ABCD2: variants seen among roughly 807,000 people sequenced by gnomAD.
ABCD2 encodes ATP binding cassette subfamily D member 2.
A neutral mutation model predicts 70.9 loss-of-function variants in ABCD2; 36 were observed. The observed-to-expected ratio is 0.51, with a 90% CI of 0.39 to 0.67. The LOEUF is 0.67. Ranked by LOEUF, ABCD2 falls within the 30% of genes least tolerant of loss-of-function variation. The probability of loss-of-function intolerance (pLI) is 0.00; values close to 1 mark genes in which losing one functional copy is unlikely to be tolerated. For synonymous variants in ABCD2, 304 were observed against 306.9 expected (o/e 0.99, Z 0.10); for missense variants, 729 against 890.2 (o/e 0.82, Z 2.30).
chr12:39,582,161 GTT>G (rs537015165), intron 7 of ABCD2, among the ~76,000 whole-genome samples: 1 of 151,420 alleles, frequency 6.6e-6, no homozygotes, highest in Non-Finnish European at 1.5e-5. Context: ...TTTCCCTGAA[GTT>G]TTTTTTTATG....
At chr12:39,538,217 T>C in the ABCD2 span, among the ~76,000 whole-genome samples, 6 of 149,890 alleles carry the variant, frequency 4.0e-5, no homozygotes, top group African/African-American at 1.2e-4. Context: ...TCTCCCAGGC[T>C]GGAGTGCAGT....
chr12:39,563,536 G>C (rs1014400632), intron 9 of ABCD2, among the ~76,000 whole-genome samples: 9 of 152,072 alleles, frequency 5.9e-5, no homozygotes, highest in African/African-American at 1.4e-4. Flanking sequence ...GAAATAAAAG[G>C]CATCTGAATT....
chr12:39,573,990 T>A, intron 8 of ABCD2, 149 bp from the exon 9 acceptor site: 1 of 666,522 alleles, frequency 1.5e-6, no homozygotes, highest in Non-Finnish European at 2.4e-6. Flanking sequence ...AGCAAAAAAG[T>A]AGTTGTCCCC....
At chr12:39,578,905 TATC>T (rs1317056981) in intron 8 of ABCD2, among the ~76,000 whole-genome samples, 2 of 152,184 alleles carry the variant, frequency 1.3e-5, no homozygotes, top group African/African-American at 4.8e-5. Context: ...TTTACACAAG[TATC>T]ATAGTGATTG....
At chr12:39,555,945 C>T (rs1179853295) in intron 9 of ABCD2, among the ~76,000 whole-genome samples, 5 of 152,174 alleles carry the variant, frequency 3.3e-5, no homozygotes, top group Non-Finnish European at 2.9e-5. Flanking sequence ...CTGCACCATC[C>T]ACCATCGTCC....
At chr12:39,570,631 T>G (rs1331217948) in intron 9 of ABCD2, among the ~76,000 whole-genome samples, 2 of 152,096 alleles carry the variant, frequency 1.3e-5, no homozygotes, top group Non-Finnish European at 2.9e-5. Context: ...TTAGAATACA[T>G]AGGGCAAAAA....
rs1488298292 is a variant in ABCD2 at position 39,550,502 on chromosome 12, A to G, written c.*3410T>C. On this transcript the variant is annotated 3_prime_UTR_variant, in exon 10 of 10. Transcript: ENST00000308666. ...TATAAATAGACCATTGGTTTTGAAA[A>G]TTTCACAATATGAAATGTAAACCAG... is the stretch of plus-strand genomic sequence containing the variant. The G allele has an allele frequency of 1.3e-5, 2 of 151,816 alleles. No individual in the cohort carries two copies. Among genetic ancestry groups the G allele is most frequent in the Non-Finnish European group, 3.0e-5 (2 of 67,716 alleles). The allele number at this position is 151,816 out of a possible 1,614,324, so 9.4% of individuals were successfully genotyped here.
In ABCD2 at chr12:39,553,200, A is replaced by T. The variant is rs1453168861; in HGVS notation, c.*712T>A. 6.6e-6 allele frequency: 1 copy of T among 151,908 alleles called. No homozygotes were observed. The highest frequency in any genetic ancestry group is 2.4e-5 in the African/African-American group (1 of 41,422). The allele number at this position is 151,908 out of a possible 1,614,324, so 9.4% of individuals were successfully genotyped here. A position where few individuals can be genotyped will look rare whatever the true frequency, so the allele number is the denominator to read the frequency against. The stretch of plus-strand genomic sequence containing the variant: ...TATCAGGTTGAGACATTGTTTGGAT[A>T]CTCCTTTTCTGTATTGGCAATTCTC... On this transcript the variant is annotated 3_prime_UTR_variant, in exon 10 of 10. Coordinates refer to ENST00000308666, the MANE Select transcript of ABCD2 (RefSeq NM_005164.4).
chr12:39,562,322 A>G (rs925110339), intron 9 of ABCD2, among the ~76,000 whole-genome samples: 4 of 152,080 alleles, frequency 2.6e-5, no homozygotes, highest in Non-Finnish European at 4.4e-5. Flanking sequence ...CTAGTAAAAG[A>G]AAGGAAATAA....
At chr12:39,559,750 T>C (rs1941226182) in intron 9 of ABCD2, among the ~76,000 whole-genome samples, 1 of 152,104 alleles carries the variant, frequency 6.6e-6, no homozygotes, top group Non-Finnish European at 1.5e-5. Flanking sequence ...GGAAAAAACC[T>C]TTCAGCCAAG....
At chr12:39,567,852 C>T (rs572878053) in intron 9 of ABCD2, among the ~76,000 whole-genome samples, 197 of 152,256 alleles carry the variant, frequency 1.3e-3, no homozygotes, top group Non-Finnish European at 2.5e-3. Context: ...ATTTGCTTGT[C>T]TGTAAAGGAT....
chr12:39,604,796 T>A lies in ABCD2; in HGVS notation c.1371A>T (p.Val457=), dbSNP rs371666438. 6.2e-7 allele frequency: 1 copy of A among 1,607,662 alleles called. No homozygotes were observed. Among genetic ancestry groups the A allele is most frequent in the African/African-American group, 1.3e-5 (1 of 74,592 alleles). ...SESHSKNGAK[V]ELPLSDTLAI... ...CCAATGTGTCACTGAGAGGTAATTC[T>A]ACCTTAGCTCCATTCTTGCTATGGC... Residue 457 remains valine (V), a synonymous_variant, in exon 4 of 10, where the codon GTA becomes GTT. Transcript: ENST00000308666.
chr12:39,582,709 A>G (rs547479534), intron 7 of ABCD2, among the ~76,000 whole-genome samples: 23 of 152,342 alleles, frequency 1.5e-4, no homozygotes, highest in African/African-American at 5.5e-4. Context: ...ACCAAAAAAT[A>G]AAAGTATTTT....
chr12:39,541,128 A>G, the ABCD2 span, among the ~76,000 whole-genome samples: 1 of 152,242 alleles, frequency 6.6e-6, no homozygotes, highest in Non-Finnish European at 1.5e-5. Context: ...TCTGCATGAA[A>G]CTGATGATCT....
chr12:39,606,576 C>T (rs997390612), intron 3 of ABCD2, among the ~76,000 whole-genome samples: 1 of 152,098 alleles, frequency 6.6e-6, no homozygotes, highest in African/African-American at 2.4e-5. Context: ...ACAAATCTAT[C>T]CCAAAGACTG....
intron 9 of ABCD2, among the ~76,000 whole-genome samples, chr12:39,564,592 T>C (rs1346026634): frequency 1.3e-5 from 2 of 152,240 alleles, no homozygotes; most frequent in East Asian, 1.9e-4. Flanking sequence ...CTGTTCACTC[T>C]AATGGTAGTT....
intron 6 of ABCD2, among the ~76,000 whole-genome samples, chr12:39,599,367 AC>A (rs1403815603): frequency 2.6e-5 from 4 of 152,232 alleles, no homozygotes; most frequent in Admixed American, 6.5e-5. Context: ...AGTAAAATCA[AC>A]CTACTAAACA....
the ABCD2 span, among the ~76,000 whole-genome samples, chr12:39,543,587 G>A: frequency 6.6e-6 from 1 of 152,134 alleles, no homozygotes; most frequent in African/African-American, 2.4e-5. Flanking sequence ...TTTTGTTTCA[G>A]CTTTTTGGAC....
Position 39,607,647 on chromosome 12 carries a change from C to A in ABCD2, c.1188G>T (p.Leu396=). Residue 396 remains leucine (L), a synonymous_variant, in exon 3 of 10, where the codon CTG becomes CTT. Transcript: ENST00000308666. ...TEAFTTARNL[L]ASGADAIERI... is the part of the protein sequence containing the mutation. ...TTTCAATAGCATCAGCTCCAGAGGCCAGTAAATTTCGAGCAGTGGTAAAGG... is the reference window on the plus strand; with the variant it reads ...TTTCAATAGCATCAGCTCCAGAGGCAAGTAAATTTCGAGCAGTGGTAAAGG... 6.2e-7 allele frequency: 1 copy of A among 1,613,432 alleles called. No homozygotes were observed. The highest frequency in any genetic ancestry group is 8.5e-7 in the Non-Finnish European group (1 of 1,179,804).
Sources: allele counts gnomAD v4.1 joint callset (sites outside exome capture counted in the v4.1 genomes callset), GRCh38; gene constraint gnomAD v4.1.1; transcripts MANE v1.5; gene names NCBI Gene and HGNC (gene_info 2026-07-23, HGNC 2026-07-21).